The following CD6 variants were observed in gnomAD, a reference collection of about 807,000 sequenced individuals.
CD6 encodes the protein T-cell differentiation antigen CD6.
In CD6, 53 loss-of-function variants were observed where a neutral mutation model predicts 75.3. The ratio of observed to expected loss-of-function variants is 0.70; its 90% confidence interval spans 0.56 to 0.88. The LOEUF is 0.88. Ranked by LOEUF, CD6 falls within the 40% of genes least tolerant of loss-of-function variation. The pLI is 0.00. For missense variants in CD6, 770 were observed against 897.1 expected (o/e 0.86, Z 1.81); for synonymous variants, 359 against 381.5 (o/e 0.94, Z 0.69).
At chr11:60,991,660 C>A (rs1196231425) in intron 1 of CD6, among the ~76,000 whole-genome samples, 2 of 151,764 alleles carry the variant, frequency 1.3e-5, no homozygotes, top group African/African-American at 4.8e-5. Flanking sequence ...TTCCTTAGCC[C>A]TGTGAGGTTT....
Position 61,004,226 on chromosome 11 carries a change from A to G in CD6, c.50-2348A>G, listed in dbSNP as rs143673015. On this transcript the variant is annotated intron_variant, in intron 1 of 12. Coordinates refer to ENST00000313421, the MANE Select transcript of CD6 (RefSeq NM_006725.5). ...ATCACATATGCACACAGTCCCTCAC[A>G]CACACTCATATGCACACACCTCACA... 6.8e-4 allele frequency among the ~76,000 whole-genome samples: 103 copies of G among 152,204 alleles called. 2 individuals carry two copies. In the East Asian group the frequency reaches 0.02, roughly 29 times the overall value.
Position 61,006,640 on chromosome 11 carries a change from C to G in CD6, c.116C>G (p.Pro39Arg), listed in dbSNP as rs747552304. 3.1e-6 allele frequency: 5 copies of G among 1,607,356 alleles called. No individual in the cohort carries two copies. Among genetic ancestry groups the G allele is most frequent in the Non-Finnish European group, 1.7e-6 (2 of 1,176,926 alleles). ...TSSAESELWE[P>R]GERLPVRLTN... ...AGTGCAGAGAGTGAGCTCTGGGAGC[C>G]AGGTGAGCAAACATTCCCTCTGGGG... is the stretch of plus-strand genomic sequence containing the variant. The change falls in exon 2 of 13, where the codon CCA becomes CGA. Residue 39 changes from proline (P) to arginine (R), a missense_variant and splice_region_variant. By Grantham distance (103) the Pro-to-Arg change is moderately radical. Coordinates refer to ENST00000313421, the MANE Select transcript of CD6 (RefSeq NM_006725.5).
intron 1 of CD6, among the ~76,000 whole-genome samples, chr11:60,997,191 C>T (rs1436407436): frequency 6.6e-6 from 1 of 152,090 alleles, no homozygotes; most frequent in Non-Finnish European, 1.5e-5. Flanking sequence ...GCCTGGCCAA[C>T]GTGGTGAAAC....
chr11:61,002,598 CT>C (rs1228361203), intron 1 of CD6, among the ~76,000 whole-genome samples: 1 of 152,128 alleles, frequency 6.6e-6, no homozygotes, highest in African/African-American at 2.4e-5. Context: ...GATCAGGTGT[CT>C]TTAATGATGT....
intron 1 of CD6, among the ~76,000 whole-genome samples, chr11:60,998,292 A>G (rs1858401182): frequency 6.6e-6 from 1 of 152,206 alleles, no homozygotes; most frequent in Non-Finnish European, 1.5e-5. Flanking sequence ...AGTACATGTA[A>G]TGCACACAGA....
At chr11:60,994,802 C>T (rs910003134) in intron 1 of CD6, among the ~76,000 whole-genome samples, 9 of 152,222 alleles carry the variant, frequency 5.9e-5, no homozygotes, top group South Asian at 2.1e-4. Flanking sequence ...GACAGGTATT[C>T]GGGAGATAAG....
At chr11:60,998,837 C>T (rs1473432790) in intron 1 of CD6, among the ~76,000 whole-genome samples, 1 of 93,710 alleles carries the variant, frequency 1.1e-5, no homozygotes, top group African/African-American at 4.2e-5. Context: ...AAAATTAGAA[C>T]AACACAAGGC....
At chr11:60,988,389 T>C (rs538586321) in intron 1 of CD6, among the ~76,000 whole-genome samples, 10 of 152,236 alleles carry the variant, frequency 6.6e-5, no homozygotes, top group Non-Finnish European at 1.5e-4. Context: ...AGCCCCCAGC[T>C]GTTAAGGACG....
Position 60,971,809 on chromosome 11 carries a change from C to A in CD6, c.-57C>A. ...ACAACGGCCGTGTCCACCTCCCGGC[C>A]CCAAGATGGTGCTTCCCACAGGCAG... On this transcript the variant is annotated 5_prime_UTR_variant, in exon 1 of 13. Coordinates refer to ENST00000313421, the MANE Select transcript of CD6 (RefSeq NM_006725.5). 6.3e-7 allele frequency: 1 copy of A among 1,587,096 alleles called. No individual in the cohort carries two copies.
chr11:60,984,154 CT>C (rs1243895468), intron 1 of CD6, among the ~76,000 whole-genome samples: 1 of 152,068 alleles, frequency 6.6e-6, no homozygotes, highest in Admixed American at 6.6e-5. Flanking sequence ...TGGGTAGATT[CT>C]TTGAGAATAT....
At chr11:60,980,140 G>A (rs1840300290) in intron 1 of CD6, among the ~76,000 whole-genome samples, 1 of 152,184 alleles carries the variant, frequency 6.6e-6, no homozygotes, top group Admixed American at 6.5e-5. Flanking sequence ...ACTGGGGGAA[G>A]CTGACTGATG....
chr11:61,004,496 G>A (rs969311477), intron 1 of CD6: 2 of 152,234 alleles, frequency 1.3e-5, no homozygotes, highest in Non-Finnish European at 2.9e-5. Context: ...TAGCGAGGAC[G>A]GCAATTAGAG....
intron 5 of CD6, 149 bp from the exon 6 acceptor site, chr11:61,010,921 G>A (rs1859109537): frequency 4.6e-6 from 3 of 659,190 alleles, no homozygotes; most frequent in Admixed American, 4.7e-5. Context: ...AGGGGAGGGA[G>A]GTAAGTTTCC....
At chr11:60,998,255 C>T (rs923013182) in intron 1 of CD6, among the ~76,000 whole-genome samples, 1 of 152,096 alleles carries the variant, frequency 6.6e-6, no homozygotes, top group Non-Finnish European at 1.5e-5. Context: ...TAGTATGCAC[C>T]TCACAGGGTG....
chr11:61,001,783 T>G (rs1858597684), intron 1 of CD6, among the ~76,000 whole-genome samples: 2 of 152,200 alleles, frequency 1.3e-5, no homozygotes, highest in Non-Finnish European at 2.9e-5. Flanking sequence ...CAGGGCCCAG[T>G]GCAAAACGGA....
Position 61,017,871 on chromosome 11 carries a change from C to T in CD6, c.1695C>T (p.Ser565=). Reference sequence around the variant, plus strand: ...ACCCGAGGAGCAACAGTGAGTCGAGCACCTCTTCAGGGGAGGATTACTGCA... The same window carrying T: ...ACCCGAGGAGCAACAGTGAGTCGAGTACCTCTTCAGGGGAGGATTACTGCA... ...QYHPRSNSES[S]TSSGEDYCNS... is the part of the protein sequence containing the mutation. Residue 565 remains serine, a synonymous_variant, in exon 11 of 13, where the codon AGC becomes AGT. Coordinates refer to ENST00000313421, the MANE Select transcript of CD6 (RefSeq NM_006725.5). 6.2e-7 allele frequency: 1 copy of T among 1,614,158 alleles called. No individual in the cohort carries two copies. The highest frequency in any genetic ancestry group is 8.5e-7 in the Non-Finnish European group (1 of 1,180,016).
intron 10 of CD6, 90 bp from the exon 11 acceptor site, chr11:61,017,669 C>G: frequency 1.3e-6 from 2 of 1,588,330 alleles, no homozygotes; most frequent in South Asian, 2.2e-5. Context: ...TTTCACAAAT[C>G]CTATAGGCAG....
intron 1 of CD6, 82 bp downstream of exon 1, chr11:60,971,996 C>T: frequency 2.9e-6 from 4 of 1,395,680 alleles, no homozygotes; most frequent in Non-Finnish European, 4.0e-6. Flanking sequence ...TGGTTGTTTC[C>T]TTGTGGTCAC....
chr11:61,017,726 T>G, intron 10 of CD6, 33 bp from the exon 11 acceptor site: 1 of 1,613,268 alleles, frequency 6.2e-7, no homozygotes, highest in Non-Finnish European at 8.5e-7. Flanking sequence ...CTGCACTGCT[T>G]CTTTCGTCAC....
Sources: gnomAD v4.1 joint callset for allele counts (sites outside exome capture counted in the v4.1 genomes callset) on GRCh38, gnomAD v4.1.1 for gene constraint, MANE v1.5 for transcripts, NCBI Gene and HGNC (gene_info 2026-07-23, HGNC 2026-07-21) for gene names.